SPOCD1: variants seen among roughly 807,000 people sequenced by gnomAD.
SPOCD1 encodes SPOC domain-containing protein 1.
In SPOCD1, 64 loss-of-function variants were observed where a neutral mutation model predicts 92.2. The ratio of observed to expected loss-of-function variants is 0.69; its 90% CI spans 0.57 to 0.86. The LOEUF (loss-of-function observed/expected upper bound fraction) is 0.86, where lower values mean the gene tolerates loss of function less well. Ranked by LOEUF, SPOCD1 falls within the 40% of genes least tolerant of loss-of-function variation. The pLI is 0.00. For synonymous variants in SPOCD1, 578 were observed against 619.3 expected (o/e 0.93, Z 0.99); for missense variants, 1,360 against 1,543.1 (o/e 0.88, Z 1.99).
chr1:31,799,742 G>GGCCT, intron 6 of SPOCD1, 67 bp downstream of exon 6: 1 of 1,575,400 alleles, frequency 6.3e-7, no homozygotes, highest in South Asian at 1.1e-5. Context: ...CCAGGAGCTG[G>GGCCT]GCCTGAGTCC....
rs1570178469 is a variant in SPOCD1, at chr1:31,802,645, G to A, written c.1384-940C>T. Among the ~76,000 whole-genome samples the A allele has an allele frequency of 3.3e-5, 5 of 152,128 alleles. No homozygotes were observed. In the South Asian group the frequency reaches 1.0e-3, roughly 32 times the overall value. ...AGATACATAATAGAGGTTATCTCTG[G>A]GGAATGAAATTCCAGGGAGACTTTC... On this transcript the variant is annotated intron_variant, in intron 2 of 15. Coordinates refer to ENST00000360482, the MANE Select transcript of SPOCD1 (RefSeq NM_144569.7).
At position 31,791,049 on chromosome 1, in the gene SPOCD1, A is replaced by T; in HGVS notation, c.3205T>A (p.Trp1069Arg). Reference protein sequence around the residue: ...LKGTPPPGGAWQQSQGRGSIA... With the variant: ...LKGTPPPGGARQQSQGRGSIA... Reference sequence around the variant, plus strand: ...CTGCCCCTGCCCTGGCTCTGCTGCCAGGCACCTCCTGGGGGAGGGGTGCCC... The same window carrying T: ...CTGCCCCTGCCCTGGCTCTGCTGCCTGGCACCTCCTGGGGGAGGGGTGCCC... Residue 1069 changes from tryptophan to arginine, a missense_variant, in exon 16 of 16, where the codon TGG becomes AGG. This residue lies in a region of SPOCD1 where 614 missense variants were observed against 757.8 expected (regional missense o/e 0.81). Coordinates refer to ENST00000360482, the MANE Select transcript of SPOCD1 (RefSeq NM_144569.7). 1 of 1,612,742 alleles carries T rather than the reference A, an allele frequency of 6.2e-7. No homozygotes were observed. Among genetic ancestry groups the T allele is most frequent in the Non-Finnish European group, 8.5e-7 (1 of 1,179,782 alleles).
chr1:31,808,941 A>C (rs1468802710), intron 2 of SPOCD1, among the ~76,000 whole-genome samples: 2 of 152,224 alleles, frequency 1.3e-5, no homozygotes, highest in African/African-American at 4.8e-5. Flanking sequence ...CATGCCTGCA[A>C]TCCCAGCATT....
chr1:31,796,749 T>C lies in SPOCD1; in HGVS notation c.2146-34A>G, dbSNP rs768965147. 7 of 1,613,190 alleles carry C rather than the reference T, an allele frequency of 4.3e-6. No homozygotes were observed. The Admixed American group carries it at 1.2e-4, about 27-fold the overall frequency. ...GTGGAGCAGGCCAAGCTGAGCCCAG[T>C]TAGGGGGCCTCTGGCCATCAAAAGC... On this transcript the variant is annotated intron_variant, in intron 9 of 15. Coordinates refer to ENST00000360482, the MANE Select transcript of SPOCD1 (RefSeq NM_144569.7).
chr1:31,794,432 C>T (rs1335854126), intron 10 of SPOCD1, 197 bp from the exon 11 acceptor site: 8 of 478,574 alleles, frequency 1.7e-5, no homozygotes, highest in Non-Finnish European at 2.6e-5. Flanking sequence ...CACTTCTTGT[C>T]ACACCACTCA....
In SPOCD1 at chr1:31,800,540, C is replaced by T. The variant is rs749723094; in HGVS notation, c.1503G>A (p.Leu501=). 6.2e-7 allele frequency: 1 copy of T among 1,612,220 alleles called. No homozygotes were observed. Among genetic ancestry groups the T allele is most frequent in the South Asian group, 1.1e-5 (1 of 90,596 alleles). The part of the protein sequence containing the change: ...GQAGGQLPPK[L]EVLEDLMEVS... ...CCTCCATCAAGTCCTCTAGAACCTC[C>T]AGCTTTGGTGGCAGCTGCCCCCCTG... The change falls in exon 4 of 16, where the codon CTG becomes CTA. Residue 501 remains leucine (L), a synonymous_variant. Coordinates refer to ENST00000360482, the MANE Select transcript of SPOCD1 (RefSeq NM_144569.7).
Position 31,798,289 on chromosome 1 carries a change from G to A in SPOCD1, c.2063C>T (p.Thr688Ile), listed in dbSNP as rs748326329. 7 of 1,613,960 alleles carry A rather than the reference G, an allele frequency of 4.3e-6. 1 individual carries two copies. The Admixed American group carries it at 6.7e-5, about 15-fold the overall frequency. ...LFLKVVHGDV[T>I]PYDLVRMSSM... ...GCTCATCCGCACCAGGTCGTAGGGG[G>A]TGACATCTCCATGAACCACTTTGAG... Residue 688 changes from threonine (T) to isoleucine (I), a missense_variant, in exon 9 of 16, where the codon ACC becomes ATC. By Grantham distance (89) the Thr-to-Ile change is moderately conservative. This residue lies in a region of SPOCD1 where 614 missense variants were observed against 757.8 expected (regional missense o/e 0.81). Transcript: ENST00000360482. The surrounding 1 kb of genome is among the most constrained non-coding windows in gnomAD (Gnocchi z 4.1).
Position 31,799,385 on chromosome 1 carries a change from G to T in SPOCD1, c.1868+16C>A. ...CGGCCCTTGGGATGTCAGGGGAGTG[G>T]GGAGCAAGGCCTCACCGAGTCCATA... On this transcript the variant is annotated intron_variant, in intron 7 of 15. Coordinates refer to ENST00000360482, the MANE Select transcript of SPOCD1 (RefSeq NM_144569.7). 1 of 1,599,426 alleles carries T rather than the reference G, an allele frequency of 6.3e-7. No homozygotes were observed. The highest frequency in any genetic ancestry group is 1.1e-5 in the South Asian group (1 of 88,692).
Position 31,814,561 on chromosome 1 carries a change from G to A in SPOCD1, c.773C>T (p.Pro258Leu). 1 of 1,526,218 alleles carries A rather than the reference G, an allele frequency of 6.6e-7. No homozygotes were observed. The highest frequency in any genetic ancestry group is 1.4e-5 in the African/African-American group (1 of 72,286). 94.5% of individuals were successfully genotyped at this position (1,526,218 alleles called of 1,614,324 possible). A position where few individuals can be genotyped will look rare whatever the true frequency, so the allele number is the denominator to read the frequency against. ...DLESLGGPCRPPSPKDTGSGP... is the reference protein window; with the variant it reads ...DLESLGGPCRLPSPKDTGSGP... ...AGACCCAGTGTCTTTTGGAGAGGGA[G>A]GTCTGCAAGGGCCTCCCAAGGACTC... The change falls in exon 2 of 16, where the codon CCT (proline) becomes CTT (leucine). Residue 258 changes from proline to leucine, a missense_variant. Pro to Leu is a moderately conservative substitution (Grantham distance 98). Around this residue, in one of 3 missense-constraint regions of SPOCD1, gnomAD observed 606 missense variants for 601.5 expected, o/e 1.01. Coordinates refer to ENST00000360482, the MANE Select transcript of SPOCD1 (RefSeq NM_144569.7). The surrounding 1 kb of genome is among the most constrained non-coding windows in gnomAD (Gnocchi z 4.2).
chr1:31,793,441 A>G lies in SPOCD1; in HGVS notation c.2535-13T>C. ...AGATGGAGGGACCCTAGAGGGAGGG[A>G]CAGAAGACAGGGCCAGACAGAGCAG... On this transcript the variant is annotated splice_polypyrimidine_tract_variant and intron_variant, in intron 12 of 15. Coordinates refer to ENST00000360482, the MANE Select transcript of SPOCD1 (RefSeq NM_144569.7). 6.3e-7 allele frequency: 1 copy of G among 1,581,464 alleles called. No homozygotes were observed. The highest frequency in any genetic ancestry group is 1.2e-5 in the South Asian group (1 of 86,588).
chr1:31,812,400 G>A lies in SPOCD1; in HGVS notation c.1383+1551C>T, dbSNP rs769971727. Among the ~76,000 whole-genome samples the A allele has an allele frequency of 2.0e-5, 3 of 152,168 alleles. No individual in the cohort carries two copies. The South Asian group carries it at 6.2e-4, about 31-fold the overall frequency. ...CATCCATAGACAGCTATGATGCAGG[G>A]CTCAGGAAAAGATCAAATTCGGCAG... On this transcript the variant is annotated intron_variant, in intron 2 of 15. Transcript: ENST00000360482.
Position 31,814,359 on chromosome 1 carries a change from G to A in SPOCD1, c.975C>T (p.Ser325=), listed in dbSNP as rs781598251. 37 of 1,601,874 alleles carry A rather than the reference G, an allele frequency of 2.3e-5. No homozygotes were observed. The highest frequency in any genetic ancestry group is 2.8e-5 in the Non-Finnish European group (33 of 1,173,190). The change falls in exon 2 of 16, where the codon AGC becomes AGT. Residue 325 remains serine, a synonymous_variant. Transcript: ENST00000360482. The surrounding 1 kb of genome is among the most constrained non-coding windows in gnomAD (Gnocchi z 4.2). ...CTGACGCCCCCAGGCACAGTGCTGC[G>A]CTCTGTGGAGGAGCCTGTGCAGCTG... ...LSSAAQAPPQ[S]AALCLGASAQ... is the part of the protein sequence containing the mutation.
chr1:31,806,843 G>A (rs897300522), intron 2 of SPOCD1, among the ~76,000 whole-genome samples: 1 of 152,086 alleles, frequency 6.6e-6, no homozygotes, highest in Non-Finnish European at 1.5e-5. Context: ...GTGAGGAACC[G>A]CGCCCAGCCA....
chr1:31,793,170 G>A (rs1451466812), intron 13 of SPOCD1, 108 bp downstream of exon 13: 2 of 1,345,714 alleles, frequency 1.5e-6, no homozygotes, highest in African/African-American at 2.9e-5. Flanking sequence ...CACAGAAAGG[G>A]GTGCCCATGA....
intron 2 of SPOCD1, among the ~76,000 whole-genome samples, chr1:31,803,688 C>G (rs1249960429): frequency 6.6e-6 from 1 of 151,646 alleles, no homozygotes; most frequent in Non-Finnish European, 1.5e-5. Flanking sequence ...CTGCAGTGAG[C>G]TATGATCACA....
chr1:31,790,783 C>A lies in SPOCD1; in HGVS notation c.3471G>T (p.Ala1157=). ...AGGCTTGGAGCTGGTGACTCATGGT[C>A]GCCAGGGATTCGAGGTGCCGGAGCA... ...QALLRHLESL[A]TMSHQLQALL... Residue 1157 remains alanine (A), a synonymous_variant, in exon 16 of 16, where the codon GCG becomes GCT. Transcript: ENST00000360482. The A allele has an allele frequency of 6.5e-7, 1 of 1,548,280 alleles. No homozygotes were observed. The highest frequency in any genetic ancestry group is 8.7e-7 in the Non-Finnish European group (1 of 1,145,292).
Position 31,815,817 on chromosome 1 carries a change from G to C in SPOCD1, c.-40+144C>G, listed in dbSNP as rs750477777. ...TCACACTGCGCAAGGAGCAGATACT[G>C]AACGGGGTTCGTGCCCATAACCCTT... On this transcript the variant is annotated intron_variant, in intron 1 of 15. Transcript: ENST00000360482. 3.3e-5 allele frequency: 5 copies of C among 153,722 alleles called. No individual in the cohort carries two copies. The Admixed American group carries it at 3.3e-4, about 10-fold the overall frequency. 9.5% of individuals were successfully genotyped at this position (153,722 alleles called of 1,614,324 possible). A position where few individuals can be genotyped will look rare whatever the true frequency, so the allele number is the denominator to read the frequency against.
Position 31,798,389 on chromosome 1 carries a change from AGG to A in SPOCD1, c.2028+51_2028+52del. On this transcript the variant is annotated intron_variant, in intron 8 of 15. Transcript: ENST00000360482. This position sits in a 1 kb window ranked among gnomAD's most constrained non-coding sequence, Gnocchi z 4.1. ...GAGCTCCCCCACCCTAGCATCCTGCAGGGGCTCTGAGATTCAGAGAGGGGACG... is the reference window on the plus strand; with the variant it reads ...GAGCTCCCCCACCCTAGCATCCTGCAGGCTCTGAGATTCAGAGAGGGGACG... 6.3e-7 allele frequency: 1 copy of A among 1,591,244 alleles called. No individual in the cohort carries two copies. Among genetic ancestry groups the A allele is most frequent in the South Asian group, 1.1e-5 (1 of 87,470 alleles).
chr1:31,801,815 T>A, intron 2 of SPOCD1, 110 bp from the exon 3 acceptor site: 2 of 920,596 alleles, frequency 2.2e-6, no homozygotes, highest in East Asian at 2.4e-5. Flanking sequence ...TGTTCAGTGT[T>A]CACTGAGTTG....
Sources: allele counts gnomAD v4.1 joint callset (sites outside exome capture counted in the v4.1 genomes callset), GRCh38; gene constraint gnomAD v4.1.1; regional missense constraint gnomAD v4.1.1; non-coding constraint Gnocchi (gnomAD v3.1); transcripts MANE v1.5; gene names NCBI Gene and HGNC (gene_info 2026-07-23, HGNC 2026-07-21).